Variants in RHOU observed in about 807,000 individuals in gnomAD.
RHOU encodes rho-related GTP-binding protein RhoU.
Under a neutral mutation model 12.6 loss-of-function variants are expected in RHOU, and 8 were observed. That is an observed-to-expected ratio of 0.64 (90% CI 0.37 to 1.15). RHOU has a LOEUF of 1.15. RHOU is among the 50% of genes most tolerant of loss of function. The pLI is 0.01. For missense variants in RHOU, 258 were observed against 347.0 expected (o/e 0.74, Z 2.04); for synonymous variants, 161 against 147.4 (o/e 1.09, Z -0.67).
the RHOU span, among the ~76,000 whole-genome samples, chr1:228,653,332 T>G: frequency 9.9e-5 from 15 of 152,106 alleles, no homozygotes; most frequent in Admixed American, 2.0e-4. Flanking sequence ...TTTTTGTATT[T>G]TTTTTTGACG....
the RHOU span, among the ~76,000 whole-genome samples, chr1:228,708,027 C>T: frequency 1.3e-5 from 2 of 152,034 alleles, no homozygotes; most frequent in Non-Finnish European, 2.9e-5. Context: ...GCCTCAGGAG[C>T]TGATGTGATC....
At chr1:228,714,631 T>G in the RHOU span, among the ~76,000 whole-genome samples, 1 of 152,156 alleles carries the variant, frequency 6.6e-6, no homozygotes, top group Non-Finnish European at 1.5e-5. Context: ...TGTGATTTAT[T>G]TTCTCTTGTT....
the RHOU span, among the ~76,000 whole-genome samples, chr1:228,693,093 C>T: frequency 5.9e-5 from 9 of 152,110 alleles, no homozygotes; most frequent in African/African-American, 2.2e-4. Context: ...CAAGTATTCT[C>T]TTCGGTAATA....
chr1:228,712,886 C>T, the RHOU span, among the ~76,000 whole-genome samples: 1 of 151,350 alleles, frequency 6.6e-6, no homozygotes, highest in South Asian at 2.1e-4. Flanking sequence ...ATACCCAAAG[C>T]TGGAGTTTGC....
At chr1:228,681,483 G>A in the RHOU span, among the ~76,000 whole-genome samples, 15 of 152,060 alleles carry the variant, frequency 9.9e-5, no homozygotes, top group African/African-American at 3.1e-4. Flanking sequence ...AGGGACAGGC[G>A]GGAGGGAAAG....
the RHOU span, among the ~76,000 whole-genome samples, chr1:228,661,979 A>G: frequency 1.1e-3 from 161 of 152,360 alleles, no homozygotes; most frequent in Middle Eastern, 0.01. Context: ...AAACAAATTT[A>G]CAAGAAAAAA....
chr1:228,707,255 AGTGTGTGTG>A, the RHOU span, among the ~76,000 whole-genome samples: 600 of 40,644 alleles, frequency 0.015, 17 homozygotes, highest in African/African-American at 0.062. Context: ...ATATATATAT[AGTGTGTGTG>A]TGTGTGTGTG....
chr1:228,718,450 T>C, the RHOU span, among the ~76,000 whole-genome samples: 1 of 152,176 alleles, frequency 6.6e-6, no homozygotes, highest in South Asian at 2.1e-4. Flanking sequence ...ATTGGGTGGT[T>C]CTGACTCATG....
rs1160751551 is a variant in RHOU at position 228,745,845 on chromosome 1, A to AT, written c.*2106dup. 6.6e-6 allele frequency: 1 copy of AT among 152,256 alleles called. No homozygotes were observed. The highest frequency in any genetic ancestry group is 1.9e-4 in the East Asian group (1 of 5,200). The allele number at this position is 152,256 out of a possible 1,614,324, so 9.4% of individuals were successfully genotyped here. Reference sequence around the variant, plus strand: ...AAACACTATTTTTATATTAAAGTAAATGGCATGGAGTATAGTGCAAATTCA... The same window carrying AT: ...AAACACTATTTTTATATTAAAGTAAATTGGCATGGAGTATAGTGCAAATTCA... On this transcript the variant is annotated 3_prime_UTR_variant, in exon 3 of 3. Transcript: ENST00000366691.
chr1:228,673,366 GT>G, the RHOU span, among the ~76,000 whole-genome samples: 1 of 152,220 alleles, frequency 6.6e-6, no homozygotes, highest in African/African-American at 2.4e-5. Context: ...GCAGTTGTAA[GT>G]TGGTTTATTT....
At chr1:228,693,341 T>C in the RHOU span, among the ~76,000 whole-genome samples, 1 of 152,288 alleles carries the variant, frequency 6.6e-6, no homozygotes, top group East Asian at 1.9e-4. Flanking sequence ...ACTTCAAAGT[T>C]TTATCTTTGA....
the RHOU span, among the ~76,000 whole-genome samples, chr1:228,720,577 C>T: frequency 2.6e-5 from 4 of 152,156 alleles, no homozygotes; most frequent in Non-Finnish European, 1.5e-5. Context: ...AGGAAGGACC[C>T]TGTGAAGACG....
Position 228,737,699 on chromosome 1 carries a change from G to A in RHOU, c.289G>A (p.Val97Met), listed in dbSNP as rs962507772. The change falls in exon 2 of 3, where the codon GTG (valine) becomes ATG (methionine). Residue 97 changes from valine to methionine, a missense_variant. Transcript: ENST00000366691. The surrounding 1 kb of genome is among the most constrained non-coding windows in gnomAD (Gnocchi z 4.1). The part of the protein sequence containing the change: ...SAVVSVDGRP[V>M]RLQLCDTAGQ... ...GGTGGTGTCTGTGGATGGGCGGCCC[G>A]TGAGACTCCAACTCTGTGACACTGC... The A allele has an allele frequency of 3.1e-6, 5 of 1,614,054 alleles. No individual in the cohort carries two copies. Among genetic ancestry groups the A allele is most frequent in the South Asian group, 1.1e-5 (1 of 91,086 alleles).
At chr1:228,661,898 C>A in the RHOU span, among the ~76,000 whole-genome samples, 34 of 152,264 alleles carry the variant, frequency 2.2e-4, no homozygotes. Context: ...AGGTAATCTA[C>A]AGAATGGGAG....
At chr1:228,649,394 C>G in the RHOU span, among the ~76,000 whole-genome samples, 3 of 152,168 alleles carry the variant, frequency 2.0e-5, no homozygotes, top group Non-Finnish European at 4.4e-5. Flanking sequence ...TTTTTGATAA[C>G]TGGTCTAAGA....
the RHOU span, among the ~76,000 whole-genome samples, chr1:228,707,309 A>C: frequency 7.2e-6 from 1 of 139,030 alleles, no homozygotes; most frequent in African/African-American, 2.7e-5. Context: ...TGTATAAAAT[A>C]CCCAAAGCAG....
Position 228,735,627 on chromosome 1 carries a change from G to C in RHOU, c.-116G>C. 2.3e-6 allele frequency: 2 copies of C among 855,560 alleles called. No homozygotes were observed. Among genetic ancestry groups the C allele is most frequent in the Non-Finnish European group, 3.0e-6 (2 of 669,130 alleles). The allele number at this position is 855,560 out of a possible 1,614,324, so 53.0% of individuals were successfully genotyped here. ...CCCGGAACCGCCACTCTCCAGGGCCGGGGACGCGCCCGCAGCTGTCGGTGA... is the reference window on the plus strand; with the variant it reads ...CCCGGAACCGCCACTCTCCAGGGCCCGGGACGCGCCCGCAGCTGTCGGTGA... On this transcript the variant is annotated 5_prime_UTR_variant, in exon 1 of 3. Transcript: ENST00000366691. The surrounding 1 kb of genome is among the most constrained non-coding windows in gnomAD (Gnocchi z 8.1).
the RHOU span, among the ~76,000 whole-genome samples, chr1:228,720,868 G>A: frequency 1.1e-4 from 16 of 151,870 alleles, no homozygotes; most frequent in African/African-American, 3.4e-4. Context: ...CCCTGGCCCC[G>A]CACCCCTACC....
the RHOU span, among the ~76,000 whole-genome samples, chr1:228,713,504 A>G: frequency 1.3e-5 from 2 of 151,718 alleles, no homozygotes; most frequent in Non-Finnish European, 2.9e-5. Context: ...TTTTATTTCT[A>G]CTTTTTGTAG....
Sources: allele counts gnomAD v4.1 joint callset (sites outside exome capture counted in the v4.1 genomes callset), GRCh38; gene constraint gnomAD v4.1.1; non-coding constraint Gnocchi (gnomAD v3.1); transcripts MANE v1.5; gene names NCBI Gene and HGNC (gene_info 2026-07-23, HGNC 2026-07-21).